CSMD1: variants seen among roughly 807,000 people sequenced by gnomAD.
CSMD1 encodes the protein CUB and Sushi multiple domains 1, also known as CUB and sushi domain-containing protein 1.
In CSMD1, 213 loss-of-function variants were observed where a neutral mutation model predicts 417.5. The ratio of observed to expected loss-of-function variants is 0.51; its 90% CI spans 0.46 to 0.57. The LOEUF (loss-of-function observed/expected upper bound fraction) is 0.57, where lower values mean the gene tolerates loss of function less well. CSMD1 is among the 20% of genes least tolerant of loss of function. CSMD1 has a pLI of 0.00. For missense variants in CSMD1, 6,923 were observed against 4,529.7 expected (o/e 1.53, Z -15.17); for synonymous variants, 2,862 against 1,736.8 (o/e 1.65, Z -16.11).
At chr8:3,775,635 G>A (rs1227287479) in intron 5 of CSMD1, among the ~76,000 whole-genome samples, 3 of 152,166 alleles carry the variant, frequency 2.0e-5, no homozygotes. Flanking sequence ...ATGTGCTCCT[G>A]TTCAGTAAAA....
At chr8:4,007,638 G>A (rs1397344940) in intron 4 of CSMD1, among the ~76,000 whole-genome samples, 1 of 151,902 alleles carries the variant, frequency 6.6e-6, no homozygotes, top group Non-Finnish European at 1.5e-5. Context: ...GCGTGCACCT[G>A]TTCCTAGGAG....
At chr8:3,850,703 A>C (rs1803843755) in intron 5 of CSMD1, among the ~76,000 whole-genome samples, 1 of 152,112 alleles carries the variant, frequency 6.6e-6, no homozygotes, top group Admixed American at 6.5e-5. Context: ...TCAAAAAATA[A>C]ATATAAATAA....
intron 3 of CSMD1, among the ~76,000 whole-genome samples, chr8:4,303,887 C>G (rs534210271): frequency 6.6e-6 from 1 of 152,140 alleles, no homozygotes; most frequent in South Asian, 2.1e-4. Context: ...GAACTCCTGA[C>G]CTTGTGATCT....
intron 6 of CSMD1, among the ~76,000 whole-genome samples, chr8:3,729,119 G>C (rs954365296): frequency 6.6e-6 from 1 of 152,314 alleles, no homozygotes; most frequent in East Asian, 1.9e-4. Context: ...AGCTAAAGTA[G>C]ACAACTTTCA....
intron 4 of CSMD1, among the ~76,000 whole-genome samples, chr8:3,999,259 C>G (rs1419378648): frequency 1.3e-5 from 2 of 151,846 alleles, no homozygotes; most frequent in African/African-American, 4.8e-5. Flanking sequence ...AAAAGTCAGC[C>G]TGTTACCAAG....
At chr8:3,585,656 T>C (rs2116996358) in intron 9 of CSMD1, among the ~76,000 whole-genome samples, 1 of 152,336 alleles carries the variant, frequency 6.6e-6, no homozygotes, top group East Asian at 1.9e-4. Context: ...CTGCTAACTA[T>C]GTTAGAGATT....
At chr8:4,522,687 G>A (rs1363484363) in intron 2 of CSMD1, among the ~76,000 whole-genome samples, 1 of 152,086 alleles carries the variant, frequency 6.6e-6, no homozygotes, top group Non-Finnish European at 1.5e-5. Context: ...TGTGTGATCT[G>A]TTATCATCTC....
intron 1 of CSMD1, among the ~76,000 whole-genome samples, chr8:4,777,289 A>T (rs1021680868): frequency 6.6e-6 from 1 of 152,202 alleles, no homozygotes; most frequent in Non-Finnish European, 1.5e-5. Flanking sequence ...AGTCTAATTG[A>T]CTCAGTAGGT....
intron 1 of CSMD1, among the ~76,000 whole-genome samples, chr8:4,803,421 CTT>C (rs1214598920): frequency 6.6e-6 from 1 of 152,124 alleles, no homozygotes; most frequent in Non-Finnish European, 1.5e-5. Context: ...AGATTTGTCT[CTT>C]GTCTCTTTTA....
At chr8:3,754,893 C>A (rs1214250757) in intron 5 of CSMD1, among the ~76,000 whole-genome samples, 1 of 152,172 alleles carries the variant, frequency 6.6e-6, no homozygotes, top group South Asian at 2.1e-4. Flanking sequence ...AGAAGAGGAC[C>A]ATTTATGAGA....
intron 10 of CSMD1, among the ~76,000 whole-genome samples, chr8:3,516,889 C>T (rs201920037): frequency 1.3e-5 from 2 of 152,172 alleles, no homozygotes; most frequent in African/African-American, 4.8e-5. Flanking sequence ...TTTATAGCAG[C>T]ACAATTCACA....
intron 30 of CSMD1, among the ~76,000 whole-genome samples, chr8:3,210,656 A>T (rs574489762): frequency 3.3e-4 from 49 of 148,800 alleles, no homozygotes; most frequent in African/African-American, 1.2e-3. Flanking sequence ...CACTTTATAT[A>T]TAATTATACA....
chr8:4,944,916 C>T (rs4875417), intron 1 of CSMD1, among the ~76,000 whole-genome samples: 128,197 of 152,106 alleles, frequency 0.84, 56,541 homozygotes, highest in East Asian at 0.98. Context: ...ATACTCAAAA[C>T]AGTCGACATC....
intron 10 of CSMD1, among the ~76,000 whole-genome samples, chr8:3,517,010 G>A (rs976893529): frequency 6.6e-6 from 1 of 152,196 alleles, no homozygotes; most frequent in Non-Finnish European, 1.5e-5. Context: ...CTGGTTAGGT[G>A]TCATGGTGAG....
At chr8:4,398,547 C>T (rs1804424580) in intron 3 of CSMD1, among the ~76,000 whole-genome samples, 1 of 151,916 alleles carries the variant, frequency 6.6e-6, no homozygotes, top group African/African-American at 2.4e-5. Flanking sequence ...GCGCCCGCCA[C>T]CATGCCCGGC....
At chr8:3,959,523 C>CAACG (rs1563255224) in intron 5 of CSMD1, among the ~76,000 whole-genome samples, 1 of 152,084 alleles carries the variant, frequency 6.6e-6, no homozygotes, top group Non-Finnish European at 1.5e-5. Flanking sequence ...AAGAACAAAC[C>CAACG]AACGAACGAA....
At chr8:4,048,410 T>G (rs939876094) in intron 3 of CSMD1, among the ~76,000 whole-genome samples, 1 of 152,202 alleles carries the variant, frequency 6.6e-6, no homozygotes, top group Non-Finnish European at 1.5e-5. Context: ...ACTGTGTACA[T>G]ATTTCAATTT....
Position 3,188,932 on chromosome 8 carries a change from C to G in CSMD1, c.5478G>C (p.Leu1826Phe). The G allele has an allele frequency of 1.2e-6, 2 of 1,609,484 alleles. No individual in the cohort carries two copies. The highest frequency in any genetic ancestry group is 1.7e-6 in the Non-Finnish European group (2 of 1,177,840). Residue 1826 changes from leucine (L) to phenylalanine (F), a missense_variant, in exon 35 of 70, where the codon TTG (leucine) becomes TTC (phenylalanine). Leu to Phe is a conservative substitution (Grantham distance 22, BLOSUM62 0). Transcript: ENST00000635120. ...TAACTATGATCTTCCATATACAGTT[C>G]AAGTTGTTTCCGTATGGCTCAGGGT... ...PGYPEPYGNN[L>F]NCIWKIIVTE...
intron 54 of CSMD1, among the ~76,000 whole-genome samples, chr8:2,988,986 T>A (rs1012017915): frequency 2.0e-5 from 3 of 152,196 alleles, no homozygotes; most frequent in Admixed American, 6.5e-5. Flanking sequence ...AACTAAGTGC[T>A]GCACCAGGGT....
Sources: allele counts gnomAD v4.1 joint callset (sites outside exome capture counted in the v4.1 genomes callset), GRCh38; gene constraint gnomAD v4.1.1; transcripts MANE v1.5; gene names NCBI Gene and HGNC (gene_info 2026-07-23, HGNC 2026-07-21).